Variants in SCN8A observed in about 807,000 individuals in gnomAD.
The protein encoded by SCN8A is sodium voltage-gated channel alpha subunit 8.
In SCN8A, 30 loss-of-function variants were observed where a neutral mutation model predicts 184.1. The ratio of observed to expected loss-of-function variants is 0.16; its 90% CI spans 0.12 to 0.22. SCN8A has a LOEUF of 0.22. Among genes scored for constraint, SCN8A ranks in the 10% least tolerant of loss-of-function variants. The probability of loss-of-function intolerance (pLI) is 1.00; values close to 1 mark genes in which losing one functional copy is unlikely to be tolerated. For synonymous variants in SCN8A, 852 were observed against 907.0 expected (o/e 0.94, Z 1.09); for missense variants, 1,057 against 2,498.9 (o/e 0.42, Z 12.30).
At chr12:51,679,399 A>C (rs1009266046) in intron 2 of SCN8A, among the ~76,000 whole-genome samples, 2 of 152,194 alleles carry the variant, frequency 1.3e-5, no homozygotes, top group South Asian at 4.1e-4. Context: ...AGTAGTTTAC[A>C]TTCTTAAATG....
rs141051041 is a variant in SCN8A at position 51,634,032 on chromosome 12, G to C, written c.-54-28732G>C. Among the ~76,000 whole-genome samples the C allele has an allele frequency of 1.7e-3, 258 of 152,260 alleles. 1 individual carries two copies. Among genetic ancestry groups the C allele is most frequent in the Middle Eastern group, 6.8e-3 (2 of 294 alleles). ...GATGATGGTAACATTGTTGATGATA[G>C]CACATAGTTGTTGGAAACAAAGTTC... On this transcript the variant is annotated intron_variant, in intron 1 of 26. Transcript: ENST00000627620.
chr12:51,702,940 C>A, intron 9 of SCN8A, 26 bp downstream of exon 9: 1 of 1,567,900 alleles, frequency 6.4e-7, no homozygotes, highest in East Asian at 2.3e-5. Flanking sequence ...TTTCCTTTGG[C>A]CATAGAGTTT....
At chr12:51,763,110 T>G (rs925982312) in intron 15 of SCN8A, among the ~76,000 whole-genome samples, 1 of 152,222 alleles carries the variant, frequency 6.6e-6, no homozygotes, top group Non-Finnish European at 1.5e-5. Context: ...TCTTCATTTC[T>G]TCTGTCATGG....
intron 25 of SCN8A, among the ~76,000 whole-genome samples, chr12:51,792,286 G>A (rs1172905354): frequency 6.9e-6 from 1 of 144,162 alleles, no homozygotes; most frequent in Non-Finnish European, 1.5e-5. Flanking sequence ...TTCTAGACCA[G>A]CCTGGGCAAC....
intron 1 of SCN8A, among the ~76,000 whole-genome samples, chr12:51,599,590 T>C (rs1353519245): frequency 6.6e-6 from 1 of 152,188 alleles, no homozygotes; most frequent in African/African-American, 2.4e-5. Context: ...ACATGGAGAA[T>C]GTAGAATTTA....
In SCN8A at chr12:51,706,447, G is replaced by A. The variant is rs1592393570; in HGVS notation, c.1367G>A (p.Gly456Glu). ...GCTGCTGCGATGGCCACTTCAGCAG[G>A]AACTGTCTCAGAAGATGCCATAGAG... Reference protein sequence around the residue: ...AQAAAMATSAGTVSEDAIEEE... With the variant: ...AQAAAMATSAETVSEDAIEEE... The change falls in exon 11 of 27, where the codon GGA (glycine) becomes GAA (glutamate). Residue 456 changes from glycine to glutamate, a missense_variant. Gly to Glu is a moderately conservative substitution (Grantham distance 98). Coordinates refer to ENST00000627620, the MANE Select transcript of SCN8A (RefSeq NM_001330260.2). 1 of 1,598,358 alleles carries A rather than the reference G, an allele frequency of 6.3e-7. No individual in the cohort carries two copies. The highest frequency in any genetic ancestry group is 8.5e-7 in the Non-Finnish European group (1 of 1,173,138).
At chr12:51,736,365 T>C (rs568886812) in intron 12 of SCN8A, among the ~76,000 whole-genome samples, 1 of 152,296 alleles carries the variant, frequency 6.6e-6, no homozygotes, top group South Asian at 2.1e-4. Flanking sequence ...GTACATAAGC[T>C]AGTCTCCCAA....
At chr12:51,640,773 C>G (rs539528426) in intron 1 of SCN8A, among the ~76,000 whole-genome samples, 1 of 152,192 alleles carries the variant, frequency 6.6e-6, no homozygotes, top group Non-Finnish European at 1.5e-5. Context: ...ATCCACCAGC[C>G]AAGGTTACTG....
At chr12:51,726,053 G>T (rs1052995133) in intron 12 of SCN8A, among the ~76,000 whole-genome samples, 8 of 152,078 alleles carry the variant, frequency 5.3e-5, no homozygotes, top group African/African-American at 1.9e-4. Flanking sequence ...TAAGAAATAG[G>T]CTGTAAGAAA....
intron 7 of SCN8A, among the ~76,000 whole-genome samples, chr12:51,700,457 A>G (rs1036958685): frequency 1.3e-5 from 2 of 152,196 alleles, no homozygotes; most frequent in Non-Finnish European, 2.9e-5. Context: ...TCTTAATACT[A>G]CTAAGACTAT....
At chr12:51,800,005 C>T (rs751580682) in intron 26 of SCN8A, among the ~76,000 whole-genome samples, 1 of 152,208 alleles carries the variant, frequency 6.6e-6, no homozygotes, top group Non-Finnish European at 1.5e-5. Flanking sequence ...GTCCAGTCGG[C>T]ATAATGTCAT....
At chr12:51,599,166 G>A (rs1939411918) in intron 1 of SCN8A, among the ~76,000 whole-genome samples, 1 of 152,142 alleles carries the variant, frequency 6.6e-6, no homozygotes, top group Non-Finnish European at 1.5e-5. Context: ...CAAATATTTA[G>A]CGAGTAGCAA....
At chr12:51,730,631 A>G (rs560517739) in intron 12 of SCN8A, among the ~76,000 whole-genome samples, 1 of 152,324 alleles carries the variant, frequency 6.6e-6, no homozygotes, top group Non-Finnish European at 1.5e-5. Flanking sequence ...TGATACAGGC[A>G]TGCAATGCTT....
chr12:51,696,788 T>C (rs1811922538), intron 6 of SCN8A, among the ~76,000 whole-genome samples: 1 of 151,928 alleles, frequency 6.6e-6, no homozygotes, highest in African/African-American at 2.4e-5. Context: ...CCCAGCACTT[T>C]GGGAGGCCAA....
intron 1 of SCN8A, among the ~76,000 whole-genome samples, chr12:51,606,270 G>A (rs950581401): frequency 1.5e-4 from 23 of 152,148 alleles, no homozygotes; most frequent in Non-Finnish European, 2.9e-4. Context: ...TTTGTATAAG[G>A]TGAGAGATGA....
chr12:51,701,172 G>A lies in SCN8A; in HGVS notation c.957G>A (p.Leu319=). ...KTNFYTVPGM[L]EPLLCGNSSD... ...ATTTCTACACAGTTCCTGGCATGCT[G>A]GAACCTTTACTCTGTGGGAACAGTT... The change falls in exon 8 of 27, where the codon CTG becomes CTA. Residue 319 remains leucine (L), a synonymous_variant. Transcript: ENST00000627620. 3.7e-6 allele frequency: 6 copies of A among 1,612,684 alleles called. No individual in the cohort carries two copies. The highest frequency in any genetic ancestry group is 5.1e-6 in the Non-Finnish European group (6 of 1,179,218).
chr12:51,760,596 G>A (rs1382422235), intron 14 of SCN8A, among the ~76,000 whole-genome samples: 1 of 152,232 alleles, frequency 6.6e-6, no homozygotes, highest in Non-Finnish European at 1.5e-5. Context: ...AGGCAGGCTA[G>A]CATTTCTATG....
intron 22 of SCN8A, among the ~76,000 whole-genome samples, chr12:51,787,149 CA>C (rs533379278): frequency 1.3e-5 from 2 of 151,338 alleles, no homozygotes; most frequent in East Asian, 3.9e-4. Flanking sequence ...CAGTTAAGGG[CA>C]AAAAAAATCA....
chr12:51,669,627 T>C (rs2138682911), intron 2 of SCN8A, among the ~76,000 whole-genome samples: 1 of 152,334 alleles, frequency 6.6e-6, no homozygotes, highest in South Asian at 2.1e-4. Flanking sequence ...GGAGAACTGA[T>C]TACTCCTTTT....
Sources: allele counts gnomAD v4.1 joint callset (sites outside exome capture counted in the v4.1 genomes callset), GRCh38; gene constraint gnomAD v4.1.1; transcripts MANE v1.5; gene names NCBI Gene and HGNC (gene_info 2026-07-23, HGNC 2026-07-21).